TAF8: variants seen among roughly 807,000 people sequenced by gnomAD.
TAF8 encodes TATA-box binding protein associated factor 8.
In TAF8, 47 loss-of-function variants were observed where a neutral mutation model predicts 36.5. That is an observed-to-expected ratio of 1.29 (90% confidence interval 1.02 to 1.64). The LOEUF is 1.64. Ranked by LOEUF, TAF8 falls within the 40% of genes most tolerant of loss-of-function variation. The pLI is 0.00. For missense variants in TAF8, 420 were observed against 407.6 expected (o/e 1.03, Z -0.26); for synonymous variants, 175 against 159.5 (o/e 1.10, Z -0.73).
At position 42,077,960 on chromosome 6, in the gene TAF8, T is replaced by C. The variant is rs1003489994; in HGVS notation, c.*415T>C. On this transcript the variant is annotated 3_prime_UTR_variant, in exon 9 of 9. Coordinates refer to ENST00000372977, the MANE Select transcript of TAF8 (RefSeq NM_138572.3). The stretch of plus-strand genomic sequence containing the variant: ...GAGTAGAGATAGGGTTTCGCCATGT[T>C]GGCCAGGCTGGTCTTGAACTCCTGA... The C allele has an allele frequency of 1.3e-4, 29 of 221,034 alleles. No homozygotes were observed. Among genetic ancestry groups the C allele is most frequent in the Non-Finnish European group, 1.8e-4 (22 of 121,922 alleles). The allele number at this position is 221,034 out of a possible 1,614,324, so 13.7% of individuals were successfully genotyped here.
At chr6:42,059,636 G>A (rs1765122902) in intron 5 of TAF8, among the ~76,000 whole-genome samples, 1 of 152,172 alleles carries the variant, frequency 6.6e-6, no homozygotes, top group African/African-American at 2.4e-5. Context: ...TCCTACAAAG[G>A]CAATCTAGTC....
chr6:42,057,631 A>G (rs1193349026), intron 5 of TAF8, 118 bp downstream of exon 5: 2 of 1,403,464 alleles, frequency 1.4e-6, no homozygotes, highest in South Asian at 1.3e-5. Context: ...TTCAAAACTC[A>G]GAATGTGGCC....
Position 42,078,305 on chromosome 6 carries a change from G to A in TAF8, c.*760G>A. 1 of 985,484 alleles carries A rather than the reference G, an allele frequency of 1.0e-6. No homozygotes were observed. 61.0% of individuals were successfully genotyped at this position (985,484 alleles called of 1,614,324 possible). ...CTCAAGAGACCAGGGAAAGTGACAG[G>A]AAGGAAAGGGCTCTTTGCTGCTGTG... On this transcript the variant is annotated 3_prime_UTR_variant, in exon 9 of 9. Coordinates refer to ENST00000372977, the MANE Select transcript of TAF8 (RefSeq NM_138572.3).
chr6:42,076,287 TA>T (rs1218396714), intron 7 of TAF8, among the ~76,000 whole-genome samples: 1 of 150,718 alleles, frequency 6.6e-6, no homozygotes, highest in East Asian at 1.9e-4. Flanking sequence ...CCGTCTCTAC[TA>T]AAAATACAAA....
intron 5 of TAF8, among the ~76,000 whole-genome samples, chr6:42,058,093 T>C (rs915109757): frequency 6.6e-6 from 1 of 152,148 alleles, no homozygotes; most frequent in Admixed American, 6.5e-5. Flanking sequence ...TTTAAAAATA[T>C]TTAGTAATGG....
intron 8 of TAF8, 125 bp downstream of exon 8, chr6:42,077,364 G>T: frequency 6.7e-7 from 1 of 1,499,556 alleles, no homozygotes; most frequent in Non-Finnish European, 8.9e-7. Flanking sequence ...AGAGGGAATA[G>T]TCTCCCTTTT....
chr6:42,056,150 C>T (rs978352905), intron 4 of TAF8, 136 bp downstream of exon 4: 4 of 641,806 alleles, frequency 6.2e-6, no homozygotes, highest in East Asian at 5.7e-5. Context: ...GGGCTACCTA[C>T]AATATAATCT....
At position 42,077,095 on chromosome 6, in the gene TAF8, CA is replaced by C. The variant is rs1441030490; in HGVS notation, c.781-2del. 6.2e-7 allele frequency: 1 copy of C among 1,608,770 alleles called. No individual in the cohort carries two copies. ...GTTGTGCTTTATTTTGGCTTTTGCTCAAAGGAGGATTCTGGAGCCGAGAAGG... is the reference window on the plus strand; with the variant it reads ...GTTGTGCTTTATTTTGGCTTTTGCTCAAGGAGGATTCTGGAGCCGAGAAGG... On this transcript the variant is annotated splice_polypyrimidine_tract_variant and splice_region_variant and intron_variant, in intron 7 of 8. Transcript: ENST00000372977.
At chr6:42,050,889 G>A (rs1380307254) in intron 1 of TAF8, 1 of 1,193,838 alleles carries the variant, frequency 8.4e-7, no homozygotes, top group Non-Finnish European at 1.0e-6. Context: ...AGGCATTCCC[G>A]TTTCAAAATA....
downstream of TAF8, among the ~76,000 whole-genome samples, chr6:42,084,220 C>T (rs560232104): frequency 6.6e-6 from 1 of 151,032 alleles, no homozygotes; most frequent in South Asian, 2.1e-4. Flanking sequence ...CTAAGGGCCT[C>T]GTTAGCCTGG....
chr6:42,074,971 G>A (rs980216606), intron 7 of TAF8, among the ~76,000 whole-genome samples: 4 of 152,004 alleles, frequency 2.6e-5, no homozygotes, highest in African/African-American at 4.8e-5. Flanking sequence ...TGTGAGCCAC[G>A]GTGGGCCGAA....
At chr6:42,054,759 C>T (rs1391915143) in intron 2 of TAF8, among the ~76,000 whole-genome samples, 1 of 151,906 alleles carries the variant, frequency 6.6e-6, no homozygotes, top group African/African-American at 2.4e-5. Context: ...TGTGTGCCAC[C>T]TCACCTGGCT....
At chr6:42,066,744 T>C (rs1334157503) in intron 6 of TAF8, among the ~76,000 whole-genome samples, 2 of 152,146 alleles carry the variant, frequency 1.3e-5, no homozygotes, top group Non-Finnish European at 2.9e-5. Flanking sequence ...GCAGCCCAGG[T>C]AGTAGAAGAA....
At position 42,080,341 on chromosome 6, in the gene TAF8, A is replaced by G; in HGVS notation, c.*2796A>G. 8 of 987,344 alleles carry G rather than the reference A, an allele frequency of 8.1e-6. No individual in the cohort carries two copies. Among genetic ancestry groups the G allele is most frequent in the Non-Finnish European group, 8.4e-6 (7 of 832,468 alleles). 61.2% of individuals were successfully genotyped at this position (987,344 alleles called of 1,614,324 possible). ...AAGGGCTGCTATTTCTGCTGTTGAG[A>G]TTTCAGAGGCTATACTCTTTTTTTT... is the stretch of plus-strand genomic sequence containing the variant. On this transcript the variant is annotated 3_prime_UTR_variant, in exon 9 of 9. Transcript: ENST00000372977.
rs1412008840 is a variant in TAF8, at chr6:42,077,676, T to A, written c.*131T>A. The stretch of plus-strand genomic sequence containing the variant: ...GCTGCAGGGTGTGATCGGACATGAT[T>A]TTCATGGCAAACCGTCTTATTAAGA... On this transcript the variant is annotated 3_prime_UTR_variant, in exon 9 of 9. Transcript: ENST00000372977. The A allele has an allele frequency of 2.0e-6, 3 of 1,517,218 alleles. No individual in the cohort carries two copies. In the South Asian group the frequency reaches 3.8e-5, roughly 19 times the overall value. 94.0% of individuals were successfully genotyped at this position (1,517,218 alleles called of 1,614,324 possible). A position where few individuals can be genotyped will look rare whatever the true frequency, so the allele number is the denominator to read the frequency against.
At chr6:42,051,940 T>C (rs1170682459) in intron 2 of TAF8, among the ~76,000 whole-genome samples, 1 of 152,204 alleles carries the variant, frequency 6.6e-6, no homozygotes, top group Non-Finnish European at 1.5e-5. Flanking sequence ...CACTCCAGCC[T>C]GTGAGGCTCC....
chr6:42,062,980 A>G (rs1245742860), intron 5 of TAF8, among the ~76,000 whole-genome samples: 1 of 152,070 alleles, frequency 6.6e-6, no homozygotes. Flanking sequence ...CACTAGTCAT[A>G]TTGCACTAGG....
In TAF8 at chr6:42,080,273, C is replaced by T. The variant is rs1765882532; in HGVS notation, c.*2728C>T. The T allele has an allele frequency of 5.1e-6, 5 of 985,898 alleles. No homozygotes were observed. Among genetic ancestry groups the T allele is most frequent in the Non-Finnish European group, 6.0e-6 (5 of 830,378 alleles). 61.1% of individuals were successfully genotyped at this position (985,898 alleles called of 1,614,324 possible). On this transcript the variant is annotated 3_prime_UTR_variant, in exon 9 of 9. Transcript: ENST00000372977. ...TTGTTGTTGTTATCCAGTGTAAGCACCTGTTGAATGCAGATGTGCTGAGTT... is the reference window on the plus strand; with the variant it reads ...TTGTTGTTGTTATCCAGTGTAAGCATCTGTTGAATGCAGATGTGCTGAGTT...
At chr6:42,056,520 T>A (rs2127450986) in intron 4 of TAF8, among the ~76,000 whole-genome samples, 1 of 152,272 alleles carries the variant, frequency 6.6e-6, no homozygotes, top group East Asian at 1.9e-4. Context: ...ACCTCTACTT[T>A]AAGTAAACCT....
Sources: allele counts gnomAD v4.1 joint callset (sites outside exome capture counted in the v4.1 genomes callset), GRCh38; gene constraint gnomAD v4.1.1; transcripts MANE v1.5; gene names NCBI Gene and HGNC (gene_info 2026-07-23, HGNC 2026-07-21).